Variants in CECR2 observed in about 807,000 individuals in gnomAD.
CECR2 encodes the protein chromatin remodeling regulator CECR2.
Under a neutral mutation model 154.5 loss-of-function variants are expected in CECR2, and 30 were observed. The ratio of observed to expected loss-of-function variants is 0.19; its 90% confidence interval spans 0.15 to 0.26. The LOEUF (loss-of-function observed/expected upper bound fraction) is 0.26, where lower values mean the gene tolerates loss of function less well. Among genes scored for constraint, CECR2 ranks in the 10% least tolerant of loss-of-function variants. CECR2 has a pLI of 1.00. For missense variants in CECR2, 1,743 were observed against 1,829.3 expected (o/e 0.95, Z 0.86); for synonymous variants, 725 against 683.7 (o/e 1.06, Z -0.94).
intron 1 of CECR2, among the ~76,000 whole-genome samples, chr22:17,455,771 C>T (rs1471407363): frequency 2.0e-5 from 3 of 152,116 alleles, no homozygotes; most frequent in Admixed American, 6.6e-5. Context: ...CCAGCACGCC[C>T]GGCTAATTTT....
At chr22:17,397,211 A>G (rs1448761121) in intron 1 of CECR2, among the ~76,000 whole-genome samples, 3 of 151,744 alleles carry the variant, frequency 2.0e-5, no homozygotes, top group Admixed American at 6.6e-5. Context: ...ATCTCAGCTC[A>G]CTGCAACCTC....
chr22:17,505,994 G>T (rs2055837506), intron 7 of CECR2, among the ~76,000 whole-genome samples: 1 of 151,480 alleles, frequency 6.6e-6, no homozygotes, highest in African/African-American at 2.4e-5. Context: ...ACAGGCTCGT[G>T]CCACCACACC....
chr22:17,471,237 C>T (rs918522226), intron 1 of CECR2, among the ~76,000 whole-genome samples: 2 of 152,134 alleles, frequency 1.3e-5, no homozygotes, highest in African/African-American at 2.4e-5. Context: ...TGGGTCTAAG[C>T]GATGAAGTCC....
At chr22:17,547,088 CTTACACACT>C (rs994513808) in intron 16 of CECR2, among the ~76,000 whole-genome samples, 1 of 150,274 alleles carries the variant, frequency 6.7e-6, no homozygotes, top group Admixed American at 6.6e-5. Flanking sequence ...TATACACACA[CTTACACACT>C]ATTGTATATT....
intron 1 of CECR2, among the ~76,000 whole-genome samples, chr22:17,385,897 G>A (rs1314765757): frequency 6.6e-6 from 1 of 152,238 alleles, no homozygotes; most frequent in African/African-American, 2.4e-5. Context: ...TGAAGAAAGA[G>A]TAGGTGGGAC....
intron 1 of CECR2, among the ~76,000 whole-genome samples, chr22:17,360,756 A>G (rs536205223): frequency 1.3e-5 from 2 of 151,786 alleles, no homozygotes; most frequent in Non-Finnish European, 2.9e-5. Flanking sequence ...GAGGCAGAAG[A>G]ATCACTTGAA....
chr22:17,517,241 G>GCT lies in CECR2; in HGVS notation c.954+5348_954+5349dup, dbSNP rs199795420. Among the ~76,000 whole-genome samples, 11 of 147,918 alleles carry GCT rather than the reference G, an allele frequency of 7.4e-5. No individual in the cohort carries two copies. In the East Asian group the frequency reaches 1.9e-3, roughly 26 times the overall value. ...CGCACATGCGCACTTGCGCTTTCTG[G>GCT]CTCTATCTCTCTTGCTTCGCTGTGC... On this transcript the variant is annotated intron_variant, in intron 8 of 18. Transcript: ENST00000262608.
At chr22:17,441,760 A>G (rs1036645495) in intron 1 of CECR2, among the ~76,000 whole-genome samples, 1 of 152,252 alleles carries the variant, frequency 6.6e-6, no homozygotes, top group Non-Finnish European at 1.5e-5. Flanking sequence ...ACATGGAAAC[A>G]AGATTAAGAA....
intron 8 of CECR2, among the ~76,000 whole-genome samples, chr22:17,518,482 G>A (rs2056099008): frequency 1.3e-5 from 2 of 152,140 alleles, no homozygotes; most frequent in East Asian, 1.9e-4. Context: ...TCTGGTCTTG[G>A]TATCCTTCAC....
At chr22:17,450,145 C>G (rs2054745246) in intron 1 of CECR2, among the ~76,000 whole-genome samples, 1 of 152,150 alleles carries the variant, frequency 6.6e-6, no homozygotes, top group Non-Finnish European at 1.5e-5. Context: ...AATGTCCTCT[C>G]CTTTTCTAAC....
intron 1 of CECR2, among the ~76,000 whole-genome samples, chr22:17,383,657 C>CTTTTTT (rs57665657): frequency 1.2e-4 from 12 of 104,278 alleles, no homozygotes; most frequent in East Asian, 2.6e-4. Flanking sequence ...TTCAGGTCCA[C>CTTTTTT]TTTTTTTTTT....
intron 9 of CECR2, among the ~76,000 whole-genome samples, chr22:17,535,186 C>T (rs895017006): frequency 6.6e-6 from 1 of 151,850 alleles, no homozygotes; most frequent in Admixed American, 6.6e-5. Context: ...GGCGTGGTGA[C>T]AGACCCCTGT....
chr22:17,540,445 G>C lies in CECR2; in HGVS notation c.1529G>C (p.Cys510Ser). ...YTKMSDNLER[C>S]FHRAMMKHFP... ...AAGATGTCTGATAATTTAGAGAGGT[G>C]TTTCCATCGGGCAATGATGAAACAT... Residue 510 changes from cysteine to serine, a missense_variant, in exon 14 of 19, where the codon TGT becomes TCT. By Grantham distance (112) the Cys-to-Ser change is moderately radical. Coordinates refer to ENST00000262608, the MANE Select transcript of CECR2 (RefSeq NM_001290047.2). The C allele has an allele frequency of 1.9e-6, 3 of 1,573,048 alleles. No individual in the cohort carries two copies. Among genetic ancestry groups the C allele is most frequent in the Non-Finnish European group, 2.6e-6 (3 of 1,158,128 alleles).
chr22:17,549,783 G>GT (rs1491166897), intron 17 of CECR2, among the ~76,000 whole-genome samples: 42,615 of 88,296 alleles, frequency 0.48, 10,074 homozygotes, highest in South Asian at 0.59. Flanking sequence ...CTAACTTTTT[G>GT]GTTTTTTTTT....
At chr22:17,406,962 A>G in intron 1 of CECR2, among the ~76,000 whole-genome samples, 1 of 152,208 alleles carries the variant, frequency 6.6e-6, no homozygotes, top group South Asian at 2.1e-4. Flanking sequence ...GTAAACAAGC[A>G]GATGTGTCAG....
chr22:17,552,999 C>G lies in CECR2; in HGVS notation c.*159C>G. On this transcript the variant is annotated 3_prime_UTR_variant, in exon 19 of 19. Coordinates refer to ENST00000262608, the MANE Select transcript of CECR2 (RefSeq NM_001290047.2). ...CTTGAGCTGGAGCCAGTCACGGGCC[C>G]TAAAAGGACACTCCTTAGATGACTG... 1 of 1,450,022 alleles carries G rather than the reference C, an allele frequency of 6.9e-7. No individual in the cohort carries two copies. The highest frequency in any genetic ancestry group is 1.4e-5 in the African/African-American group (1 of 69,180). The allele number at this position is 1,450,022 out of a possible 1,614,324, so 89.8% of individuals were successfully genotyped here. A position where few individuals can be genotyped will look rare whatever the true frequency, so the allele number is the denominator to read the frequency against.
intron 1 of CECR2, among the ~76,000 whole-genome samples, chr22:17,387,266 C>T (rs1305719202): frequency 6.6e-6 from 1 of 152,172 alleles, no homozygotes; most frequent in Non-Finnish European, 1.5e-5. Context: ...CTGTACCTGC[C>T]CCTCCTTGCC....
chr22:17,504,743 GT>G (rs1377556225), intron 6 of CECR2, 103 bp from the exon 7 acceptor site: 1 of 1,081,652 alleles, frequency 9.2e-7, no homozygotes, highest in African/African-American at 1.6e-5. Flanking sequence ...GCCCGGCCGA[GT>G]TCCTTATTTT....
chr22:17,469,385 T>C (rs1187547118), intron 1 of CECR2, among the ~76,000 whole-genome samples: 2 of 152,178 alleles, frequency 1.3e-5, no homozygotes, highest in African/African-American at 2.4e-5. Flanking sequence ...ACACCACCCT[T>C]CTAATACTAG....
Sources: allele counts gnomAD v4.1 joint callset (sites outside exome capture counted in the v4.1 genomes callset), GRCh38; gene constraint gnomAD v4.1.1; transcripts MANE v1.5; gene names NCBI Gene and HGNC (gene_info 2026-07-23, HGNC 2026-07-21).